The following LRRC4C variants were observed in gnomAD, a reference collection of about 807,000 sequenced individuals.
LRRC4C encodes leucine rich repeat containing 4C.
LRRC4C carries 5 observed loss-of-function variants against 33.6 expected under a neutral mutation model. That is an observed-to-expected ratio of 0.15 (90% confidence interval 0.08 to 0.31). The LOEUF is 0.31. Ranked by LOEUF, LRRC4C falls within the 10% of genes least tolerant of loss-of-function variation. LRRC4C has a pLI of 1.00. For synonymous variants in LRRC4C, 329 were observed against 302.0 expected, an observed-to-expected ratio of 1.09 and a Z score of -0.93; for missense variants, 560 against 796.7, an observed-to-expected ratio of 0.70 and a Z score of 3.58.
At chr11:40,762,435 T>C (rs1949262062) in intron 2 of LRRC4C, among the ~76,000 whole-genome samples, 1 of 152,124 alleles carries the variant, frequency 6.6e-6, no homozygotes, top group Admixed American at 6.6e-5. Context: ...TTGTACATAA[T>C]CCATTGTGTT....
chr11:40,320,282 G>C (rs1028962680), intron 3 of LRRC4C, among the ~76,000 whole-genome samples: 3 of 152,104 alleles, frequency 2.0e-5, no homozygotes, highest in Admixed American at 2.0e-4. Flanking sequence ...GAGGTGGGTG[G>C]ATCACGAAGT....
chr11:40,146,618 T>C (rs1451223253), intron 5 of LRRC4C, among the ~76,000 whole-genome samples: 3 of 152,162 alleles, frequency 2.0e-5, no homozygotes, highest in Non-Finnish European at 4.4e-5. Context: ...ATCACAAAGA[T>C]GGTGTTCCTG....
At chr11:41,048,167 T>C (rs1027415361) in intron 1 of LRRC4C, among the ~76,000 whole-genome samples, 3 of 151,902 alleles carry the variant, frequency 2.0e-5, no homozygotes, top group Non-Finnish European at 2.9e-5. Context: ...AATGAGCATG[T>C]GAATAAATTG....
chr11:40,641,707 G>A (rs977616054), intron 3 of LRRC4C, among the ~76,000 whole-genome samples: 1 of 152,150 alleles, frequency 6.6e-6, no homozygotes, highest in Non-Finnish European at 1.5e-5. Context: ...TGCTTCATCA[G>A]GGTTTGTAGC....
At chr11:40,821,149 A>T (rs1565100032) in intron 2 of LRRC4C, among the ~76,000 whole-genome samples, 1 of 151,706 alleles carries the variant, frequency 6.6e-6, no homozygotes, top group Non-Finnish European at 1.5e-5. Context: ...CAAAAATTAG[A>T]GATTTATATA....
chr11:40,199,587 C>T lies in LRRC4C; in HGVS notation c.-96+41932G>A, dbSNP rs1395727678. Among the ~76,000 whole-genome samples the T allele has an allele frequency of 1.3e-5, 2 of 152,096 alleles. 1 individual carries two copies. ...TTAGCTTGAGCAGATGAGTGGATTT[C>T]TCCAGAAAGACCAAGAAAGAGAACA... On this transcript the variant is annotated intron_variant, in intron 5 of 6. Coordinates refer to ENST00000528697, the MANE Select transcript of LRRC4C (RefSeq NM_001258419.2).
intron 1 of LRRC4C, among the ~76,000 whole-genome samples, chr11:41,162,643 G>C (rs1159190947): frequency 6.6e-6 from 1 of 152,070 alleles, no homozygotes; most frequent in African/African-American, 2.4e-5. Flanking sequence ...AATTATTTGT[G>C]TACCTAAAAA....
At chr11:41,014,959 A>C (rs1855475444) in intron 1 of LRRC4C, among the ~76,000 whole-genome samples, 1 of 152,242 alleles carries the variant, frequency 6.6e-6, no homozygotes, top group African/African-American at 2.4e-5. Context: ...CTCAAAGTCC[A>C]GTGCACAACC....
intron 1 of LRRC4C, among the ~76,000 whole-genome samples, chr11:41,316,778 C>A (rs1950810550): frequency 6.6e-6 from 1 of 152,216 alleles, no homozygotes; most frequent in African/African-American, 2.4e-5. Flanking sequence ...CAGGTAGCAA[C>A]CACTCTGTAT....
intron 6 of LRRC4C, among the ~76,000 whole-genome samples, chr11:40,121,984 T>C (rs530536419): frequency 2.0e-5 from 3 of 152,300 alleles, no homozygotes; most frequent in Middle Eastern, 3.4e-3. Flanking sequence ...GCTGTTCCAC[T>C]GTCTGTCTTA....
At chr11:40,458,531 T>A (rs1370264159) in intron 3 of LRRC4C, among the ~76,000 whole-genome samples, 1 of 152,208 alleles carries the variant, frequency 6.6e-6, no homozygotes, top group Non-Finnish European at 1.5e-5. Context: ...TTTTTCTTCA[T>A]CATCCGTGAA....
intron 2 of LRRC4C, among the ~76,000 whole-genome samples, chr11:40,815,250 C>T (rs1951660015): frequency 6.6e-6 from 1 of 152,102 alleles, no homozygotes; most frequent in African/African-American, 2.4e-5. Flanking sequence ...TAGGGGACCT[C>T]CCTTTACAAA....
intron 1 of LRRC4C, among the ~76,000 whole-genome samples, chr11:41,226,597 C>G (rs1010693070): frequency 1.7e-4 from 26 of 151,952 alleles, no homozygotes; most frequent in African/African-American, 6.0e-4. Flanking sequence ...TACAGTCAAC[C>G]CTTTCATCTG....
At chr11:40,386,658 T>C (rs1202199498) in intron 3 of LRRC4C, among the ~76,000 whole-genome samples, 1 of 152,230 alleles carries the variant, frequency 6.6e-6, no homozygotes, top group Non-Finnish European at 1.5e-5. Context: ...TGTTTCTTTA[T>C]TCTTATTCTC....
At chr11:40,565,035 C>T (rs1591122186) in intron 3 of LRRC4C, among the ~76,000 whole-genome samples, 1 of 152,284 alleles carries the variant, frequency 6.6e-6, no homozygotes, top group African/African-American at 2.4e-5. Flanking sequence ...TACCAACCAA[C>T]CAAGACCTGC....
rs377519612 is a variant in LRRC4C at position 40,118,992 on chromosome 11, C to T, written c.-42-2658G>A. 6.1e-4 allele frequency among the ~76,000 whole-genome samples: 93 copies of T among 152,184 alleles called. 3 individuals carry two copies. The South Asian group carries it at 0.018, about 29-fold the overall frequency. On this transcript the variant is annotated intron_variant, in intron 6 of 6. Transcript: ENST00000528697. ...TTGGAGAGAAGCCAGTGCCAGAGAGCGATCCAGTTTCAAGGCCAGCACTTC... is the reference window on the plus strand; with the variant it reads ...TTGGAGAGAAGCCAGTGCCAGAGAGTGATCCAGTTTCAAGGCCAGCACTTC...
At chr11:40,956,069 C>T (rs1958941909) in intron 1 of LRRC4C, among the ~76,000 whole-genome samples, 1 of 151,692 alleles carries the variant, frequency 6.6e-6, no homozygotes, top group African/African-American at 2.4e-5. Context: ...TACAAAGGGC[C>T]ATATTGTAGA....
At chr11:41,117,360 A>C (rs529983511) in intron 1 of LRRC4C, among the ~76,000 whole-genome samples, 1 of 152,230 alleles carries the variant, frequency 6.6e-6, no homozygotes, top group African/African-American at 2.4e-5. Context: ...AATATTAAGT[A>C]TCAACATAAC....
chr11:40,426,931 T>C (rs565767651), intron 3 of LRRC4C, among the ~76,000 whole-genome samples: 1 of 152,342 alleles, frequency 6.6e-6, no homozygotes, highest in Admixed American at 6.5e-5. Flanking sequence ...AGTTTTTTCC[T>C]TCTTTCTGAC....
Sources: allele counts gnomAD v4.1 joint callset (sites outside exome capture counted in the v4.1 genomes callset), GRCh38; gene constraint gnomAD v4.1.1; transcripts MANE v1.5; gene names NCBI Gene and HGNC (gene_info 2026-07-23, HGNC 2026-07-21).